The following INPP5D variants were observed in gnomAD, a reference collection of about 807,000 sequenced individuals.
INPP5D encodes phosphatidylinositol 3,4,5-trisphosphate 5-phosphatase 1.
A neutral mutation model predicts 122.9 loss-of-function variants in INPP5D; 33 were observed. The ratio of observed to expected loss-of-function variants is 0.27; its 90% CI spans 0.20 to 0.36. The LOEUF (loss-of-function observed/expected upper bound fraction) is 0.36. Ranked by LOEUF, INPP5D falls within the 10% of genes least tolerant of loss-of-function variation. INPP5D has a pLI of 1.00. For synonymous variants in INPP5D, 584 were observed against 576.2 expected (o/e 1.01, Z -0.19); for missense variants, 1,053 against 1,412.7 (o/e 0.75, Z 4.08).
chr2:233,081,907 C>T (rs1377841472), intron 2 of INPP5D, among the ~76,000 whole-genome samples: 1 of 152,178 alleles, frequency 6.6e-6, no homozygotes, highest in African/African-American at 2.4e-5. Context: ...GCATGAGCCA[C>T]TCAGGGGCTG....
At chr2:233,122,289 A>G (rs1210853021) in intron 3 of INPP5D, 32 bp downstream of exon 3, 2 of 1,599,508 alleles carry the variant, frequency 1.3e-6, no homozygotes, top group Non-Finnish European at 1.7e-6. Context: ...GGCAGGAGGT[A>G]CTTTTGGGAA....
At chr2:233,066,240 C>T (rs1010004519) in intron 1 of INPP5D, among the ~76,000 whole-genome samples, 30 of 152,286 alleles carry the variant, frequency 2.0e-4, no homozygotes, top group Admixed American at 1.4e-3. Context: ...AAGTGTGAGC[C>T]GCTGCACGCA....
intron 5 of INPP5D, among the ~76,000 whole-genome samples, chr2:233,136,323 CA>C (rs1328482498): frequency 6.6e-6 from 1 of 152,054 alleles, no homozygotes; most frequent in Non-Finnish European, 1.5e-5. Context: ...ACTAAAAATA[CA>C]AAAAATTAGC....
In INPP5D at chr2:233,094,510, CCCAAAAAAAAAA is replaced by C. The variant is rs1352742993; in HGVS notation, c.198+15113_198+15124del. On this transcript the variant is annotated intron_variant, in intron 2 of 26. Coordinates refer to ENST00000445964, the MANE Select transcript of INPP5D (RefSeq NM_001017915.3). The stretch of plus-strand genomic sequence containing the variant: ...CTTGGGCAATAGAGCAAGACTCCAT[CCCAAAAAAAAAA>C]AAAAAAAAAAAAAAAAAAAATTCTA... Among the ~76,000 whole-genome samples the C allele has an allele frequency of 8.3e-4, 23 of 27,798 alleles. 2 individuals are homozygous for C. The highest frequency in any genetic ancestry group is 1.3e-3 in the African/African-American group (11 of 8,182). 18.2% of individuals were successfully genotyped at this position (27,798 alleles called of 152,430 possible). A position where few individuals can be genotyped will look rare whatever the true frequency, so the allele number is the denominator to read the frequency against.
At chr2:233,064,840 C>T (rs554700429) in intron 1 of INPP5D, among the ~76,000 whole-genome samples, 10 of 152,252 alleles carry the variant, frequency 6.6e-5, no homozygotes, top group Non-Finnish European at 8.8e-5. Context: ...GTGGTGTGAG[C>T]GGGTGGCTAA....
intron 2 of INPP5D, among the ~76,000 whole-genome samples, chr2:233,083,150 A>C (rs980170241): frequency 6.6e-6 from 1 of 152,236 alleles, no homozygotes; most frequent in African/African-American, 2.4e-5. Context: ...GGCCTTGGGC[A>C]AGGACTGCCA....
At chr2:233,161,599 T>C in intron 10 of INPP5D, 125 bp from the exon 11 acceptor site, 1 of 1,306,634 alleles carries the variant, frequency 7.7e-7, no homozygotes, top group Non-Finnish European at 1.0e-6. Context: ...TCCAGGTTGC[T>C]GTCCTGGAAG....
chr2:233,099,284 C>T (rs1692238024), intron 2 of INPP5D, among the ~76,000 whole-genome samples: 1 of 152,182 alleles, frequency 6.6e-6, no homozygotes, highest in Non-Finnish European at 1.5e-5. Flanking sequence ...TTGTCCTAAA[C>T]TTCCCATGGC....
At chr2:233,178,050 A>G (rs150415945) in intron 18 of INPP5D, among the ~76,000 whole-genome samples, 1 of 152,344 alleles carries the variant, frequency 6.6e-6, no homozygotes, top group East Asian at 1.9e-4. Context: ...GGGAGGTTTA[A>G]CCATAAATTG....
Position 233,078,482 on chromosome 2 carries a change from G to C in INPP5D, c.135-853G>C, listed in dbSNP as rs933520174. Among the ~76,000 whole-genome samples the C allele has an allele frequency of 6.6e-6, 1 of 152,122 alleles. No individual in the cohort carries two copies. Among genetic ancestry groups the C allele is most frequent in the Non-Finnish European group, 1.5e-5 (1 of 68,008 alleles). On this transcript the variant is annotated intron_variant, in intron 1 of 26. Transcript: ENST00000445964. The surrounding 1 kb of genome is among the most constrained non-coding windows in gnomAD (Gnocchi z 4.6). ...GGCCAACCCCTGGGAGATAATCCACGGGGCATAGTGTCCAAGAGGATGAAG... is the reference window on the plus strand; with the variant it reads ...GGCCAACCCCTGGGAGATAATCCACCGGGCATAGTGTCCAAGAGGATGAAG...
rs1205501763 is a variant in INPP5D at position 233,160,417 on chromosome 2, C to T, written c.1138-1307C>T. Reference sequence around the variant, plus strand: ...AAAATATTGAGTAGGCTATGAAAGCCTTCATGTCCTCTCTTCTTTTTAATT... The same window carrying T: ...AAAATATTGAGTAGGCTATGAAAGCTTTCATGTCCTCTCTTCTTTTTAATT... On this transcript the variant is annotated intron_variant, in intron 10 of 26. Transcript: ENST00000445964. The surrounding 1 kb of genome is among the most constrained non-coding windows in gnomAD (Gnocchi z 4.2). Among the ~76,000 whole-genome samples the T allele has an allele frequency of 1.3e-5, 2 of 152,180 alleles. No individual in the cohort carries two copies. The highest frequency in any genetic ancestry group is 4.8e-5 in the African/African-American group (2 of 41,456).
chr2:233,171,680 G>T lies in INPP5D; in HGVS notation c.1989+528G>T, dbSNP rs540275240. ...GATGCAATAAAATATGTATTCATTT[G>T]TTCAAAGATATTTCCTGATGGCCTA... is the stretch of plus-strand genomic sequence containing the variant. On this transcript the variant is annotated intron_variant, in intron 17 of 26. Coordinates refer to ENST00000445964, the MANE Select transcript of INPP5D (RefSeq NM_001017915.3). Among the ~76,000 whole-genome samples the T allele has an allele frequency of 7.9e-5, 12 of 152,318 alleles. No homozygotes were observed. In the East Asian group the frequency reaches 2.3e-3, roughly 29 times the overall value.
At chr2:233,202,178 C>G (rs1213207400) in intron 25 of INPP5D, among the ~76,000 whole-genome samples, 1 of 152,166 alleles carries the variant, frequency 6.6e-6, no homozygotes, top group Non-Finnish European at 1.5e-5. Flanking sequence ...CCATCTCAGC[C>G]CCTGAGAGAG....
chr2:233,071,115 G>A (rs34370170), intron 1 of INPP5D, among the ~76,000 whole-genome samples: 28,306 of 151,242 alleles, frequency 0.19, 3,108 homozygotes, highest in African/African-American at 0.29. Context: ...CTCTACTAAA[G>A]ATACAAAAAA....
At chr2:233,066,556 A>G (rs1691232768) in intron 1 of INPP5D, among the ~76,000 whole-genome samples, 1 of 152,162 alleles carries the variant, frequency 6.6e-6, no homozygotes, top group African/African-American at 2.4e-5. Flanking sequence ...ATTTTTTCAA[A>G]TTGAGGTATA....
At position 233,188,115 on chromosome 2, in the gene INPP5D, A is replaced by G. The variant is rs545090276; in HGVS notation, c.2359-1735A>G. 6.6e-6 allele frequency among the ~76,000 whole-genome samples: 1 copy of G among 151,938 alleles called. No individual in the cohort carries two copies. The highest frequency in any genetic ancestry group is 2.1e-4 in the South Asian group (1 of 4,816). On this transcript the variant is annotated intron_variant, in intron 21 of 26. Coordinates refer to ENST00000445964, the MANE Select transcript of INPP5D (RefSeq NM_001017915.3). The surrounding 1 kb of genome is among the most constrained non-coding windows in gnomAD (Gnocchi z 4.7). ...CTGAACGCTGATGGATCTTTCTGGA[A>G]TGCCTCTCTGATCCTGGAGTCCCCC... is the stretch of plus-strand genomic sequence containing the variant.
chr2:233,070,111 C>A (rs868104753), intron 1 of INPP5D, among the ~76,000 whole-genome samples: 1 of 152,180 alleles, frequency 6.6e-6, no homozygotes, highest in African/African-American at 2.4e-5. Context: ...CCCTCATAAT[C>A]CCTCTTTCGT....
rs758496349 is a variant in INPP5D, at chr2:233,204,495, G to C, written c.3345G>C (p.Pro1115=). ...AGACCCCGGTCAGCTCCCAGGCCCC[G>C]GTGCCGGCCAAGAGGCCCATCAAGC... is the stretch of plus-strand genomic sequence containing the variant. ...KPKTPVSSQA[P]VPAKRPIKPS... The change falls in exon 26 of 27, where the codon CCG becomes CCC. Residue 1115 remains proline (P), a synonymous_variant. Coordinates refer to ENST00000445964, the MANE Select transcript of INPP5D (RefSeq NM_001017915.3). The C allele has an allele frequency of 2.5e-6, 4 of 1,582,510 alleles. No homozygotes were observed. The highest frequency in any genetic ancestry group is 2.3e-5 in the South Asian group (2 of 87,030).
intron 1 of INPP5D, among the ~76,000 whole-genome samples, chr2:233,065,469 G>T (rs1691188177): frequency 2.9e-5 from 1 of 33,924 alleles, no homozygotes; most frequent in Admixed American, 2.1e-4. Context: ...CACCACACCG[G>T]GCTAATTTTT....
Sources: allele counts gnomAD v4.1 joint callset (sites outside exome capture counted in the v4.1 genomes callset), GRCh38; gene constraint gnomAD v4.1.1; non-coding constraint Gnocchi (gnomAD v3.1); transcripts MANE v1.5; gene names NCBI Gene and HGNC (gene_info 2026-07-23, HGNC 2026-07-21).